Variants in SLIT3 observed in about 807,000 individuals in gnomAD.
SLIT3 encodes slit homolog 3 protein.
A neutral mutation model predicts 184.0 loss-of-function variants in SLIT3; 68 were observed. The observed-to-expected ratio is 0.37, with a 90% CI of 0.30 to 0.45. The LOEUF (loss-of-function observed/expected upper bound fraction) is 0.45, where lower values mean the gene tolerates loss of function less well. SLIT3 is among the 20% of genes least tolerant of loss of function. The pLI is 1.00. For synonymous variants in SLIT3, 831 were observed against 828.6 expected (o/e 1.00, Z -0.05); for missense variants, 1,707 against 2,026.0 (o/e 0.84, Z 3.02).
intron 4 of SLIT3, among the ~76,000 whole-genome samples, chr5:168,968,008 T>C (rs1167188050): frequency 6.6e-6 from 1 of 152,174 alleles, no homozygotes; most frequent in Non-Finnish European, 1.5e-5. Flanking sequence ...GGCATTCAAA[T>C]TCCTTCCTCA....
chr5:168,697,201 AG>A (rs2113271081), intron 27 of SLIT3, among the ~76,000 whole-genome samples: 1 of 152,306 alleles, frequency 6.6e-6, no homozygotes, highest in East Asian at 1.9e-4. Flanking sequence ...TGGGGGATGA[AG>A]GCTAGAGTGG....
intron 4 of SLIT3, among the ~76,000 whole-genome samples, chr5:169,185,304 CT>C (rs1763295855): frequency 6.6e-6 from 1 of 152,250 alleles, no homozygotes; most frequent in East Asian, 1.9e-4. Context: ...TTTCCATGAG[CT>C]TTGGGTGGCT....
At chr5:168,805,325 AGAG>A (rs1023303904) in intron 9 of SLIT3, among the ~76,000 whole-genome samples, 5 of 152,004 alleles carry the variant, frequency 3.3e-5, no homozygotes, top group African/African-American at 9.7e-5. Flanking sequence ...AGGAGGGGGA[AGAG>A]GAGGAGGAGG....
chr5:169,015,031 CA>C (rs1756309482), intron 4 of SLIT3, among the ~76,000 whole-genome samples: 1 of 150,128 alleles, frequency 6.7e-6, no homozygotes, highest in Admixed American at 6.7e-5. Context: ...TGCAGGAGGG[CA>C]AAAAGCAAAA....
intron 4 of SLIT3, among the ~76,000 whole-genome samples, chr5:168,887,709 G>T (rs1366978060): frequency 2.0e-5 from 3 of 152,112 alleles, no homozygotes. Context: ...GTCTATACAG[G>T]TGCCATTATG....
At chr5:168,749,348 G>A in intron 19 of SLIT3, 124 bp downstream of exon 19, 1 of 1,121,016 alleles carries the variant, frequency 8.9e-7, no homozygotes, top group South Asian at 1.4e-5. Flanking sequence ...GCTCTCCAGA[G>A]CTCCAGCTGC....
chr5:168,792,560 T>A (rs1313590662), intron 10 of SLIT3, among the ~76,000 whole-genome samples: 1 of 152,114 alleles, frequency 6.6e-6, no homozygotes, highest in Non-Finnish European at 1.5e-5. Context: ...CAAATTCAAG[T>A]GCCTACAAAG....
chr5:169,299,863 C>CGA (rs2113671106), intron 1 of SLIT3, among the ~76,000 whole-genome samples: 1 of 152,146 alleles, frequency 6.6e-6, no homozygotes, highest in African/African-American at 2.4e-5. Context: ...CCGGCCCCTT[C>CGA]GTTCGGGGAG....
At chr5:168,703,514 G>A (rs192655873) in intron 26 of SLIT3, among the ~76,000 whole-genome samples, 3 of 152,002 alleles carry the variant, frequency 2.0e-5, no homozygotes, top group South Asian at 2.1e-4. Context: ...TAGGTTGCAC[G>A]CTCCTTATGA....
chr5:168,684,270 A>T (rs1458558069), intron 31 of SLIT3, among the ~76,000 whole-genome samples, 174 bp from the exon 32 acceptor site: 1 of 152,084 alleles, frequency 6.6e-6, no homozygotes, highest in Non-Finnish European at 1.5e-5. Flanking sequence ...TAAGGCCTAG[A>T]CTTACACCTC....
intron 3 of SLIT3, among the ~76,000 whole-genome samples, chr5:169,199,361 T>G (rs1581046587): frequency 6.6e-6 from 1 of 151,814 alleles, no homozygotes; most frequent in Non-Finnish European, 1.5e-5. Context: ...GTTACAGGAG[T>G]GCGGGTATGA....
At chr5:169,184,840 C>G (rs1763280802) in intron 4 of SLIT3, among the ~76,000 whole-genome samples, 1 of 152,206 alleles carries the variant, frequency 6.6e-6, no homozygotes. Context: ...CTTACACAAT[C>G]AGAATCCACA....
chr5:169,172,302 G>A (rs1581015262), intron 4 of SLIT3, among the ~76,000 whole-genome samples: 2 of 152,174 alleles, frequency 1.3e-5, no homozygotes, highest in African/African-American at 2.4e-5. Context: ...GTCCTTTTAT[G>A]TCAGTTTAAC....
At chr5:168,769,027 T>G (rs1410011632) in intron 14 of SLIT3, among the ~76,000 whole-genome samples, 1 of 152,194 alleles carries the variant, frequency 6.6e-6, no homozygotes, top group African/African-American at 2.4e-5. Flanking sequence ...TGGTGGCCAG[T>G]GCGCCTCCTG....
At chr5:168,881,307 G>A (rs1348304225) in intron 5 of SLIT3, among the ~76,000 whole-genome samples, 1 of 152,090 alleles carries the variant, frequency 6.6e-6, no homozygotes. Flanking sequence ...ATTGTAAGAG[G>A]GGAAAAGAGA....
At chr5:168,852,824 T>C (rs1758727242) in intron 5 of SLIT3, among the ~76,000 whole-genome samples, 1 of 152,238 alleles carries the variant, frequency 6.6e-6, no homozygotes, top group South Asian at 2.1e-4. Flanking sequence ...CAGTCTCAGT[T>C]GTAAAAGGCA....
At chr5:168,909,369 A>T (rs1314210625) in intron 4 of SLIT3, among the ~76,000 whole-genome samples, 1 of 152,176 alleles carries the variant, frequency 6.6e-6, no homozygotes, top group East Asian at 1.9e-4. Flanking sequence ...TTTCCTTTGC[A>T]AACTCCAGAT....
At chr5:169,227,625 A>G (rs1241532082) in intron 3 of SLIT3, among the ~76,000 whole-genome samples, 1 of 152,134 alleles carries the variant, frequency 6.6e-6, no homozygotes, top group Non-Finnish European at 1.5e-5. Context: ...GCAGGGTTTC[A>G]CCGTGTTGGC....
chr5:169,030,588 T>C (rs1334263334), intron 4 of SLIT3: 1 of 152,252 alleles, frequency 6.6e-6, no homozygotes, highest in Admixed American at 6.5e-5. Flanking sequence ...TTTATGTCTT[T>C]GGAATGTTTT....
Sources: gnomAD v4.1 joint callset for allele counts (sites outside exome capture counted in the v4.1 genomes callset) on GRCh38, gnomAD v4.1.1 for gene constraint, MANE v1.5 for transcripts, NCBI Gene and HGNC (gene_info 2026-07-23, HGNC 2026-07-21) for gene names.